HECTD4: variants seen among roughly 807,000 people sequenced by gnomAD.
The protein encoded by HECTD4 is HECT domain E3 ubiquitin protein ligase 4, also known as probable E3 ubiquitin-protein ligase HECTD4.
HECTD4 carries 114 observed loss-of-function variants against 471.5 expected under a neutral mutation model. The ratio of observed to expected loss-of-function variants is 0.24; its 90% CI spans 0.21 to 0.28. The LOEUF is 0.28. Ranked by LOEUF, HECTD4 falls within the 10% of genes least tolerant of loss-of-function variation. HECTD4 has a pLI of 1.00. For missense variants in HECTD4, 3,866 were observed against 5,651.5 expected (o/e 0.68, Z 10.13); for synonymous variants, 2,012 against 2,256.0 (o/e 0.89, Z 3.07).
chr12:112,288,621 A>C (rs2034808708), intron 7 of HECTD4, among the ~76,000 whole-genome samples: 1 of 152,084 alleles, frequency 6.6e-6, no homozygotes, highest in Non-Finnish European at 1.5e-5. Flanking sequence ...AGAGCAACAC[A>C]ATGTCTCAAA....
At chr12:112,379,405 A>G (rs2036847461) in intron 1 of HECTD4, among the ~76,000 whole-genome samples, 1 of 152,228 alleles carries the variant, frequency 6.6e-6, no homozygotes, top group South Asian at 2.1e-4. Context: ...TTAAGTAATT[A>G]AATATGTGCT....
intron 52 of HECTD4, among the ~76,000 whole-genome samples, chr12:112,206,863 T>C (rs1254832604): frequency 1.3e-5 from 2 of 152,002 alleles, no homozygotes; most frequent in Non-Finnish European, 2.9e-5. Flanking sequence ...ACACAAGGCC[T>C]AACTCCATCC....
chr12:112,238,944 TG>T, intron 34 of HECTD4, 107 bp downstream of exon 34: 1 of 1,063,506 alleles, frequency 9.4e-7, no homozygotes, highest in Admixed American at 2.9e-5. Flanking sequence ...CATCTGATCA[TG>T]TCATTTAATA....
At position 112,288,127 on chromosome 12, in the gene HECTD4, G is replaced by A. The variant is rs1373301019; in HGVS notation, c.1336-4825C>T. ...GTGGATCACTTGAGGCCAGGAGTTC[G>A]AGACCAGCCTGGCCAACGTGGTTAA... On this transcript the variant is annotated intron_variant, in intron 7 of 75. Transcript: ENST00000682272. Among the ~76,000 whole-genome samples, 8 of 147,928 alleles carry A rather than the reference G, an allele frequency of 5.4e-5. No individual in the cohort carries two copies. The East Asian group carries it at 6.2e-4, about 11-fold the overall frequency.
intron 1 of HECTD4, among the ~76,000 whole-genome samples, chr12:112,354,045 G>T (rs1337328202): frequency 6.6e-6 from 1 of 151,760 alleles, no homozygotes; most frequent in Non-Finnish European, 1.5e-5. Context: ...CTACCTCTAA[G>T]AATAATAATA....
chr12:112,288,668 A>G (rs2034809484), intron 7 of HECTD4, among the ~76,000 whole-genome samples: 1 of 152,144 alleles, frequency 6.6e-6, no homozygotes, highest in African/African-American at 2.4e-5. Context: ...CTTGATATCC[A>G]CTTGTCCTCT....
chr12:112,209,952 G>C, intron 50 of HECTD4, 63 bp downstream of exon 50: 4 of 1,350,140 alleles, frequency 3.0e-6, no homozygotes, highest in Non-Finnish European at 4.2e-6. Flanking sequence ...TGGGTTTATG[G>C]AATTCATAAC....
chr12:112,190,055 G>A (rs185555261), intron 60 of HECTD4, among the ~76,000 whole-genome samples: 175 of 152,268 alleles, frequency 1.1e-3, no homozygotes, highest in African/African-American at 3.9e-3. Context: ...CGTCTGGCCC[G>A]AGTGTGCAAT....
chr12:112,290,873 A>AC (rs1282112602), intron 7 of HECTD4, among the ~76,000 whole-genome samples: 1 of 151,550 alleles, frequency 6.6e-6, no homozygotes, highest in African/African-American at 2.4e-5. Flanking sequence ...CAAAAAAAAA[A>AC]AACAAATCAC....
At position 112,161,028 on chromosome 12, in the gene HECTD4, ATCTTTCCAGCAGGCCAGGGCACATCT is replaced by A. The variant is rs2030669849; in HGVS notation, c.*1333_*1358del. On this transcript the variant is annotated 3_prime_UTR_variant, in exon 76 of 76. Transcript: ENST00000682272. ...AACGGCTCTATCTCTAGAATTCACA[ATCTTTCCAGCAGGCCAGGGCACATCT>A]TCTTTCTTGGACCAGCATCCACACT... 6.6e-6 allele frequency: 1 copy of A among 152,176 alleles called. No individual in the cohort carries two copies. Among genetic ancestry groups the A allele is most frequent in the Non-Finnish European group, 1.5e-5 (1 of 68,060 alleles). The allele number at this position is 152,176 out of a possible 1,614,324, so 9.4% of individuals were successfully genotyped here. A position where few individuals can be genotyped will look rare whatever the true frequency, so the allele number is the denominator to read the frequency against.
intron 49 of HECTD4, among the ~76,000 whole-genome samples, chr12:112,210,463 A>T (rs1204927215): frequency 6.6e-6 from 1 of 151,706 alleles, no homozygotes; most frequent in Non-Finnish European, 1.5e-5. Flanking sequence ...CTCACCTCAC[A>T]CTCTCATGTA....
At chr12:112,291,796 G>A (rs1017477105) in intron 7 of HECTD4, among the ~76,000 whole-genome samples, 7 of 152,062 alleles carry the variant, frequency 4.6e-5, no homozygotes, top group African/African-American at 1.4e-4. Flanking sequence ...GGCGTGAACC[G>A]GGGAGGCGGA....
intron 50 of HECTD4, among the ~76,000 whole-genome samples, chr12:112,209,139 C>G (rs927468399): frequency 6.6e-6 from 1 of 151,864 alleles, no homozygotes; most frequent in Non-Finnish European, 1.5e-5. Context: ...TGGGCTCAAG[C>G]TATCCTCCTT....
At chr12:112,377,601 T>C (rs1244295140) in intron 1 of HECTD4, among the ~76,000 whole-genome samples, 1 of 152,226 alleles carries the variant, frequency 6.6e-6, no homozygotes, top group African/African-American at 2.4e-5. Context: ...CCGGGTGCGG[T>C]GGCTCACGCC....
intron 1 of HECTD4, among the ~76,000 whole-genome samples, chr12:112,320,794 A>G (rs1407185189): frequency 6.6e-6 from 1 of 152,106 alleles, no homozygotes; most frequent in Admixed American, 6.5e-5. Flanking sequence ...AAAACCTAAT[A>G]TATATATGTT....
intron 1 of HECTD4, among the ~76,000 whole-genome samples, chr12:112,377,162 G>A (rs1436170347): frequency 6.6e-6 from 1 of 151,892 alleles, no homozygotes; most frequent in Non-Finnish European, 1.5e-5. Context: ...ACAGTTGGCT[G>A]AGTGCAGTGA....
At chr12:112,321,096 G>A (rs555851744) in intron 1 of HECTD4, among the ~76,000 whole-genome samples, 28 of 151,892 alleles carry the variant, frequency 1.8e-4, no homozygotes, top group African/African-American at 4.8e-4. Context: ...TGCCCACCTC[G>A]GCCTCCCAAA....
At chr12:112,360,509 T>G (rs1373150583) in intron 1 of HECTD4, among the ~76,000 whole-genome samples, 1 of 152,094 alleles carries the variant, frequency 6.6e-6, no homozygotes, top group East Asian at 1.9e-4. Context: ...TGATCTTATA[T>G]CTCTAACAAA....
Position 112,259,364 on chromosome 12 carries a change from C to T in HECTD4, c.2874-99G>A. ...ATCTGACAATTTCTCCTAAACTGCA[C>T]CTCCTTAAACTACTTAAGCACTTTC... On this transcript the variant is annotated intron_variant, in intron 18 of 75. Transcript: ENST00000682272. 4 of 1,253,440 alleles carry T rather than the reference C, an allele frequency of 3.2e-6. No individual in the cohort carries two copies. In the Middle Eastern group the frequency reaches 5.6e-4, roughly 176 times the overall value. 77.6% of individuals were successfully genotyped at this position (1,253,440 alleles called of 1,614,324 possible). A position where few individuals can be genotyped will look rare whatever the true frequency, so the allele number is the denominator to read the frequency against.
Sources: allele counts gnomAD v4.1 joint callset (sites outside exome capture counted in the v4.1 genomes callset), GRCh38; gene constraint gnomAD v4.1.1; transcripts MANE v1.5; gene names NCBI Gene and HGNC (gene_info 2026-07-23, HGNC 2026-07-21).